Variants in DDX10 observed in about 807,000 individuals in gnomAD.
DDX10 encodes the protein probable ATP-dependent RNA helicase DDX10.
Under a neutral mutation model 104.3 loss-of-function variants are expected in DDX10, and 74 were observed. That is an observed-to-expected ratio of 0.71 (90% CI 0.59 to 0.86). The LOEUF is 0.86. DDX10 is among the 40% of genes least tolerant of loss of function. The pLI, the probability that DDX10 is intolerant of heterozygous loss-of-function variation, is 0.00. For missense variants in DDX10, 952 were observed against 1,040.0 expected, an observed-to-expected ratio of 0.92 and a Z score of 1.16; for synonymous variants, 351 against 353.4, an observed-to-expected ratio of 0.99 and a Z score of 0.08.
chr11:108,765,933 T>A (rs1182671704), intron 13 of DDX10, among the ~76,000 whole-genome samples: 1 of 152,214 alleles, frequency 6.6e-6, no homozygotes, highest in Admixed American at 6.5e-5. Flanking sequence ...TCTCATTCAT[T>A]TGAAGTATTG....
intron 13 of DDX10, among the ~76,000 whole-genome samples, chr11:108,752,483 C>G (rs150264630): frequency 2.1e-4 from 32 of 152,186 alleles, no homozygotes; most frequent in East Asian, 3.9e-4. Flanking sequence ...ATAGCAAGAA[C>G]ATGCAATAGT....
Position 108,940,627 on chromosome 11 carries a change from G to T in DDX10, c.*204G>T. 1 of 430,586 alleles carries T rather than the reference G, an allele frequency of 2.3e-6. No homozygotes were observed. Among genetic ancestry groups the T allele is most frequent in the Admixed American group, 4.0e-5 (1 of 24,774 alleles). The allele number at this position is 430,586 out of a possible 1,614,324, so 26.7% of individuals were successfully genotyped here. The stretch of plus-strand genomic sequence containing the variant: ...ACTGAGCATACTCAGATCGAGGGTG[G>T]ATGATACCATTTCCTGACCCCGTTT... On this transcript the variant is annotated 3_prime_UTR_variant, in exon 18 of 18. Transcript: ENST00000322536.
At chr11:108,885,513 A>G (rs1178338462) in intron 16 of DDX10, among the ~76,000 whole-genome samples, 1 of 151,944 alleles carries the variant, frequency 6.6e-6, no homozygotes, top group Non-Finnish European at 1.5e-5. Flanking sequence ...GCCCGCCAGC[A>G]CGCCTGGTTA....
chr11:108,905,136 A>G (rs559359664), intron 16 of DDX10, among the ~76,000 whole-genome samples: 80 of 152,160 alleles, frequency 5.3e-4, no homozygotes, highest in South Asian at 4.1e-3. Flanking sequence ...TATATTTTTC[A>G]TATTGTTTCA....
At chr11:108,906,972 A>G (rs1452380911) in intron 16 of DDX10, among the ~76,000 whole-genome samples, 1 of 152,196 alleles carries the variant, frequency 6.6e-6, no homozygotes, top group South Asian at 2.1e-4. Context: ...TTTTATACCA[A>G]TGCTCAGCAC....
At chr11:108,757,112 C>T (rs1408140370) in intron 13 of DDX10, among the ~76,000 whole-genome samples, 2 of 151,914 alleles carry the variant, frequency 1.3e-5, no homozygotes, top group Non-Finnish European at 2.9e-5. Flanking sequence ...CTGAGGAAGG[C>T]GCTGTAAAGT....
At chr11:108,927,310 A>G (rs1047126267) in intron 17 of DDX10, among the ~76,000 whole-genome samples, 2 of 152,164 alleles carry the variant, frequency 1.3e-5, no homozygotes, top group Non-Finnish European at 2.9e-5. Flanking sequence ...AACACATACA[A>G]ACTTGCACAC....
chr11:108,874,412 C>T (rs950381628), intron 16 of DDX10, among the ~76,000 whole-genome samples: 1 of 152,206 alleles, frequency 6.6e-6, no homozygotes, highest in African/African-American at 2.4e-5. Flanking sequence ...CCTTTCAAGA[C>T]ACTCAGAAGC....
At chr11:108,799,215 G>T in intron 13 of DDX10, among the ~76,000 whole-genome samples, 1 of 152,050 alleles carries the variant, frequency 6.6e-6, no homozygotes. Context: ...TGTGAATTCC[G>T]AAGTCCTTAG....
chr11:108,835,958 C>T lies in DDX10; in HGVS notation c.1966-2488C>T, dbSNP rs560076146. Among the ~76,000 whole-genome samples, 24 of 152,192 alleles carry T rather than the reference C, an allele frequency of 1.6e-4. 1 individual carries two copies. The East Asian group carries it at 4.1e-3, about 26-fold the overall frequency. On this transcript the variant is annotated intron_variant, in intron 13 of 17. Coordinates refer to ENST00000322536, the MANE Select transcript of DDX10 (RefSeq NM_004398.4). ...AGAAAGTTTGTGTTAATTGGCCTTACGGTCCCCGCCCCCAGACCCAGGTGT... is the reference window on the plus strand; with the variant it reads ...AGAAAGTTTGTGTTAATTGGCCTTATGGTCCCCGCCCCCAGACCCAGGTGT...
At chr11:108,741,072 A>G (rs1345058866) in intron 13 of DDX10, among the ~76,000 whole-genome samples, 2 of 151,998 alleles carry the variant, frequency 1.3e-5, no homozygotes, top group South Asian at 2.1e-4. Flanking sequence ...TCCTTCCCCC[A>G]TTGGTTGTTT....
Position 108,841,376 on chromosome 11 carries a change from A to G in DDX10, c.2147A>G (p.Asp716Gly), listed in dbSNP as rs140128738. ...SAIKDAEEDD[D>G]TGGINLHKAK... ...ATCAAGGATGCTGAGGAAGATGATGACACAGGTGGTATCAACTTACATAAA... is the reference window on the plus strand; with the variant it reads ...ATCAAGGATGCTGAGGAAGATGATGGCACAGGTGGTATCAACTTACATAAA... Residue 716 changes from aspartate to glycine, a missense_variant, in exon 15 of 18, where the codon GAC (aspartate) becomes GGC (glycine). Asp to Gly is a moderately conservative substitution (Grantham distance 94). Around this residue, in one of 3 missense-constraint regions of DDX10, gnomAD observed 533 missense variants for 534.1 expected, o/e 1.00. Coordinates refer to ENST00000322536, the MANE Select transcript of DDX10 (RefSeq NM_004398.4). 1.0e-4 allele frequency: 165 copies of G among 1,613,544 alleles called. No individual in the cohort carries two copies. The highest frequency in any genetic ancestry group is 1.3e-4 in the Non-Finnish European group (153 of 1,179,706).
chr11:108,804,514 A>C (rs544734587), intron 13 of DDX10, among the ~76,000 whole-genome samples: 1 of 151,502 alleles, frequency 6.6e-6, no homozygotes, highest in African/African-American at 2.4e-5. Context: ...AAAAAAAAAA[A>C]AAAACCCTCC....
At chr11:108,708,606 C>T (rs1282535467) in intron 10 of DDX10, among the ~76,000 whole-genome samples, 3 of 144,844 alleles carry the variant, frequency 2.1e-5, no homozygotes, top group African/African-American at 5.1e-5. Context: ...CTTGCTCTGT[C>T]GTTCAGGCTA....
intron 16 of DDX10, among the ~76,000 whole-genome samples, chr11:108,898,363 G>C (rs1473664180): frequency 6.6e-6 from 1 of 152,058 alleles, no homozygotes; most frequent in African/African-American, 2.4e-5. Flanking sequence ...ACATGTCTCG[G>C]AGTTCCCAGT....
At chr11:108,769,609 G>C (rs890901393) in intron 13 of DDX10, among the ~76,000 whole-genome samples, 3 of 152,208 alleles carry the variant, frequency 2.0e-5, no homozygotes, top group African/African-American at 7.2e-5. Flanking sequence ...TTTTCACAAT[G>C]ATAGGTTGTT....
chr11:108,747,450 A>G (rs541799708), intron 13 of DDX10, among the ~76,000 whole-genome samples: 2 of 152,240 alleles, frequency 1.3e-5, no homozygotes, highest in Admixed American at 1.3e-4. Flanking sequence ...TGACATGATC[A>G]TTGCTTATTT....
rs180849614 is a variant in DDX10 at position 108,688,398 on chromosome 11, T to G, written c.849-538T>G. 5.9e-5 allele frequency among the ~76,000 whole-genome samples: 9 copies of G among 152,362 alleles called. No individual in the cohort carries two copies. In the East Asian group the frequency reaches 1.5e-3, roughly 26 times the overall value. ...CATTTACTTGCTTTCATCCATCCCT[T>G]CTATATTAACCCATTTTATTTTTGA... On this transcript the variant is annotated intron_variant, in intron 6 of 17. Coordinates refer to ENST00000322536, the MANE Select transcript of DDX10 (RefSeq NM_004398.4).
chr11:108,861,290 G>A (rs1862938003), intron 16 of DDX10, among the ~76,000 whole-genome samples: 1 of 151,982 alleles, frequency 6.6e-6, no homozygotes, highest in East Asian at 1.9e-4. Context: ...ACCTGATCTT[G>A]CAAGACCATT....
Sources: allele counts gnomAD v4.1 joint callset (sites outside exome capture counted in the v4.1 genomes callset), GRCh38; gene constraint gnomAD v4.1.1; regional missense constraint gnomAD v4.1.1; transcripts MANE v1.5; gene names NCBI Gene and HGNC (gene_info 2026-07-23, HGNC 2026-07-21).